OSBPL10: variants seen among roughly 807,000 people sequenced by gnomAD.
The protein encoded by OSBPL10 is oxysterol-binding protein-related protein 10.
OSBPL10 carries 49 observed loss-of-function variants against 81.7 expected under a neutral mutation model. The observed-to-expected ratio is 0.60, with a 90% CI of 0.48 to 0.76. The LOEUF (loss-of-function observed/expected upper bound fraction) is 0.76, where lower values mean the gene tolerates loss of function less well. OSBPL10 is among the 30% of genes least tolerant of loss of function. The pLI is 0.00. For synonymous variants in OSBPL10, 419 were observed against 383.6 expected, an observed-to-expected ratio of 1.09 and a Z score of -1.08; for missense variants, 923 against 987.8, an observed-to-expected ratio of 0.93 and a Z score of 0.88.
intron 4 of OSBPL10, among the ~76,000 whole-genome samples, chr3:31,750,185 A>C (rs1697668429): frequency 6.6e-6 from 1 of 152,180 alleles, no homozygotes. Context: ...CAGTCTCCAA[A>C]AAATAAAAAA....
chr3:31,683,501 A>T, intron 8 of OSBPL10, 133 bp downstream of exon 8: 1 of 1,334,246 alleles, frequency 7.5e-7, no homozygotes, highest in Non-Finnish European at 1.0e-6. Flanking sequence ...CCCTTTTACC[A>T]CCCACACTCT....
chr3:31,838,028 T>C (rs1167562686), intron 3 of OSBPL10, among the ~76,000 whole-genome samples: 2 of 152,122 alleles, frequency 1.3e-5, no homozygotes, highest in Non-Finnish European at 2.9e-5. Context: ...TTTATTCTAA[T>C]ACGTAAATAG....
rs1366128738 is a variant in OSBPL10 at position 31,733,390 on chromosome 3, C to T, written c.962G>A (p.Gly321Glu). ...GASENILGWH[G>E]SKSHSTEQLK... ...CTGCTCTGTGGAATGTGACTTGGACCCGTGCCATCCCAGGATGTTTTCTGA... is the reference window on the plus strand; with the variant it reads ...CTGCTCTGTGGAATGTGACTTGGACTCGTGCCATCCCAGGATGTTTTCTGA... The change falls in exon 6 of 12, where the codon GGG becomes GAG. Residue 321 changes from glycine to glutamate, a missense_variant. By Grantham distance (98) the Gly-to-Glu change is moderately conservative. Coordinates refer to ENST00000396556, the MANE Select transcript of OSBPL10 (RefSeq NM_017784.5). The T allele has an allele frequency of 1.2e-6, 2 of 1,613,980 alleles. No homozygotes were observed. The highest frequency in any genetic ancestry group is 2.7e-5 in the African/African-American group (2 of 74,898).
chr3:32,000,358 G>A (rs1453460352), intron 2 of OSBPL10, among the ~76,000 whole-genome samples: 1 of 152,086 alleles, frequency 6.6e-6, no homozygotes, highest in African/African-American at 2.4e-5. Flanking sequence ...ATAGTGTTTA[G>A]GATCAGACTG....
At chr3:31,807,613 C>T (rs1699555562) in intron 4 of OSBPL10, among the ~76,000 whole-genome samples, 1 of 151,510 alleles carries the variant, frequency 6.6e-6, no homozygotes, top group Non-Finnish European at 1.5e-5. Flanking sequence ...TGGCACGTGC[C>T]TGTGGTCCCA....
intron 6 of OSBPL10, among the ~76,000 whole-genome samples, chr3:31,724,008 T>TTTAGAG (rs1308088468): frequency 1.4e-4 from 22 of 152,176 alleles, no homozygotes; most frequent in African/African-American, 4.6e-4. Context: ...TAGGGCCATG[T>TTTAGAG]TTAGAGGGTG....
At chr3:31,756,212 C>T (rs151318862) in intron 4 of OSBPL10, among the ~76,000 whole-genome samples, 4 of 152,182 alleles carry the variant, frequency 2.6e-5, no homozygotes, top group South Asian at 4.1e-4. Context: ...CTTCAGCGCC[C>T]TTTACACTCT....
chr3:31,979,219 T>C (rs1441570466), intron 1 of OSBPL10, among the ~76,000 whole-genome samples: 2 of 152,136 alleles, frequency 1.3e-5, no homozygotes, highest in South Asian at 2.1e-4. Context: ...CTTTCACGAA[T>C]TGAAAGGGGA....
At chr3:31,860,857 GT>G (rs68080421) in intron 3 of OSBPL10, among the ~76,000 whole-genome samples, 7,449 of 108,150 alleles carry the variant, frequency 0.069, 621 homozygotes, top group African/African-American at 0.23. Context: ...GTTTTTTGGG[GT>G]TTTTTTTTTT....
chr3:32,054,271 T>C (rs1361423828), intron 1 of OSBPL10, among the ~76,000 whole-genome samples: 4 of 152,190 alleles, frequency 2.6e-5, no homozygotes, highest in African/African-American at 9.6e-5. Context: ...ATCTTTTAGA[T>C]ATTAGGTCCC....
intron 4 of OSBPL10, among the ~76,000 whole-genome samples, chr3:31,786,524 C>A (rs969909657): frequency 1.3e-5 from 2 of 152,094 alleles, no homozygotes; most frequent in Non-Finnish European, 2.9e-5. Context: ...TCATATGGCA[C>A]CTTCTTGCTG....
rs1027358892 is a variant in OSBPL10, at chr3:31,896,377, T to G, written c.282-16547A>C. 2.6e-5 allele frequency among the ~76,000 whole-genome samples: 4 copies of G among 152,236 alleles called. No homozygotes were observed. In the East Asian group the frequency reaches 7.7e-4, roughly 29 times the overall value. ...CTAATCAAATAAAAAATGACATTTA[T>G]TTTCTGCAAAGGATGGTACAGTTTC... On this transcript the variant is annotated intron_variant, in intron 1 of 11. Transcript: ENST00000396556.
chr3:32,015,791 T>C (rs1699307912), intron 2 of OSBPL10, among the ~76,000 whole-genome samples: 1 of 152,158 alleles, frequency 6.6e-6, no homozygotes, highest in South Asian at 2.1e-4. Context: ...GCGAAGGATA[T>C]GAACAGACAC....
chr3:31,894,290 G>C (rs1210698628), intron 1 of OSBPL10, among the ~76,000 whole-genome samples: 2 of 152,200 alleles, frequency 1.3e-5, no homozygotes, highest in Non-Finnish European at 1.5e-5. Context: ...TGCCCAGAAA[G>C]AGGAACAAGG....
At chr3:31,867,429 C>T (rs1443679381) in intron 3 of OSBPL10, among the ~76,000 whole-genome samples, 1 of 152,118 alleles carries the variant, frequency 6.6e-6, no homozygotes, top group Non-Finnish European at 1.5e-5. Context: ...TTCTCAATTT[C>T]CCACTTGGAG....
At chr3:31,755,386 G>T (rs1008401366) in intron 4 of OSBPL10, among the ~76,000 whole-genome samples, 3 of 152,170 alleles carry the variant, frequency 2.0e-5, no homozygotes, top group Non-Finnish European at 4.4e-5. Context: ...GATCTAACTG[G>T]CCGGTTGGAA....
In OSBPL10 at chr3:31,990,428, G is replaced by A. The variant is rs369598814; in HGVS notation, n.298+56063C>T. 4.4e-6 allele frequency: 7 copies of A among 1,599,142 alleles called. No individual in the cohort carries two copies. The African/African-American group carries it at 8.1e-5, about 18-fold the overall frequency. ...GTAGTTCATTGGCGAACTCATACTG[G>A]AGAGAAACCTTACAAGTGTAATGAG... On this transcript the variant is annotated intron_variant and non_coding_transcript_variant, in intron 2 of 3. Transcript: ENST00000479173.
chr3:31,870,367 G>A (rs867285708), intron 3 of OSBPL10, among the ~76,000 whole-genome samples: 42 of 152,332 alleles, frequency 2.8e-4, no homozygotes, highest in African/African-American at 8.2e-4. Context: ...GCAGGGCTCC[G>A]GACCTGCAGC....
chr3:31,920,752 CTTGGTGATGAGTGAGTT>C (rs1696889991), intron 1 of OSBPL10, among the ~76,000 whole-genome samples: 3 of 152,098 alleles, frequency 2.0e-5, no homozygotes, highest in Admixed American at 1.3e-4. Context: ...GGACCATTTT[CTTGGTGATGAGTGAGTT>C]TTCACTCTAT....
Sources: gnomAD v4.1 joint callset for allele counts (sites outside exome capture counted in the v4.1 genomes callset) on GRCh38, gnomAD v4.1.1 for gene constraint, MANE v1.5 for transcripts, NCBI Gene and HGNC (gene_info 2026-07-23, HGNC 2026-07-21) for gene names.